Variants in FBXO9 observed in about 807,000 individuals in gnomAD.
The protein encoded by FBXO9 is F-box protein 9, also known as F-box only protein 9.
Under a neutral mutation model 63.7 loss-of-function variants are expected in FBXO9, and 43 were observed. That is an observed-to-expected ratio of 0.67 (90% CI 0.53 to 0.87). The LOEUF is 0.87. Ranked by LOEUF, FBXO9 falls within the 40% of genes least tolerant of loss-of-function variation. FBXO9 has a pLI of 0.00. For missense variants in FBXO9, 442 were observed against 533.2 expected, an observed-to-expected ratio of 0.83 and a Z score of 1.68; for synonymous variants, 156 against 171.7, an observed-to-expected ratio of 0.91 and a Z score of 0.72.
In FBXO9 at chr6:53,078,879, G is replaced by A; in HGVS notation, c.388G>A (p.Asp130Asn). The A allele has an allele frequency of 6.2e-7, 1 of 1,613,612 alleles. No individual in the cohort carries two copies. Among genetic ancestry groups the A allele is most frequent in the South Asian group, 1.1e-5 (1 of 91,078 alleles). Residue 130 changes from aspartate (D) to asparagine (N), a missense_variant, in exon 5 of 13, where the codon GAT (aspartate) becomes AAT (asparagine). By Grantham distance (23) the Asp-to-Asn change is conservative. This residue lies in a region of FBXO9 where 180 missense variants were observed against 171.1 expected (regional missense o/e 1.05). Transcript: ENST00000323557. ...TACTTATACCCGGTCTCCAGATGGT[G>A]ATGGCGTTGGAAACAGCTAGTGCGT... ...KITYTRSPDG[D>N]GVGNSYIEDN... is the part of the protein sequence containing the mutation.
intron 9 of FBXO9, 33 bp from the exon 10 acceptor site, chr6:53,093,433 G>A: frequency 7.1e-7 from 1 of 1,415,918 alleles, no homozygotes; most frequent in Middle Eastern, 1.7e-4. Context: ...TGTGTGGGGG[G>A]TGTGTTTTGG....
chr6:53,091,584 GT>G (rs1225238354), intron 7 of FBXO9: 3 of 152,378 alleles, frequency 2.0e-5, no homozygotes, highest in Admixed American at 6.5e-5. Flanking sequence ...GGCCAGGCTG[GT>G]CTCGACCTCC....
intron 1 of FBXO9, among the ~76,000 whole-genome samples, chr6:53,066,308 C>T (rs1481394717): frequency 1.3e-5 from 2 of 152,098 alleles, no homozygotes; most frequent in Non-Finnish European, 2.9e-5. Flanking sequence ...GGCGTCATTC[C>T]CTGGGAGGAT....
Position 53,065,764 on chromosome 6 carries a change from C to T in FBXO9, c.-26C>T, listed in dbSNP as rs566482740. ...TGCAGAGGGGGCACGGAGAGCCCCT[C>T]GAGCGCAGCAGGCCGCCCCGCCAGC... On this transcript the variant is annotated 5_prime_UTR_variant, in exon 1 of 13. Transcript: ENST00000323557. The T allele has an allele frequency of 7.2e-5, 101 of 1,403,000 alleles. 2 individuals carry two copies. In the South Asian group the frequency reaches 1.4e-3, roughly 20 times the overall value. 86.9% of individuals were successfully genotyped at this position (1,403,000 alleles called of 1,614,324 possible).
intron 1 of FBXO9, 143 bp from the exon 2 acceptor site, chr6:53,070,914 C>G (rs1768893370): frequency 7.2e-7 from 1 of 1,393,330 alleles, no homozygotes; most frequent in Non-Finnish European, 9.6e-7. Flanking sequence ...CAAGTGCCCC[C>G]TACAGCCTTG....
intron 1 of FBXO9, among the ~76,000 whole-genome samples, chr6:53,067,498 A>G (rs1768748796): frequency 6.6e-6 from 1 of 152,170 alleles, no homozygotes. Context: ...ATGAGTAGAA[A>G]TAGCTAAGTG....
intron 5 of FBXO9, among the ~76,000 whole-genome samples, chr6:53,079,878 A>T (rs1280065466): frequency 6.6e-6 from 1 of 152,166 alleles, no homozygotes; most frequent in Non-Finnish European, 1.5e-5. Context: ...CAACAAGGTC[A>T]ATATTAATAG....
rs1276959031 is a variant in FBXO9, at chr6:53,092,840, A to G, written c.863+16A>G. ...AATATTACAGGTACAACTGTAGTAC[A>G]CTGAGTGAGTGGAAAATTCTCTCTC... On this transcript the variant is annotated intron_variant, in intron 9 of 12. Transcript: ENST00000323557. The G allele has an allele frequency of 6.6e-7, 1 of 1,526,540 alleles. No homozygotes were observed. Among genetic ancestry groups the G allele is most frequent in the East Asian group, 2.3e-5 (1 of 44,172 alleles). 94.6% of individuals were successfully genotyped at this position (1,526,540 alleles called of 1,614,324 possible).
chr6:53,092,288 T>C (rs1036872379), intron 7 of FBXO9, 141 bp from the exon 8 acceptor site: 1 of 625,048 alleles, frequency 1.6e-6, no homozygotes, highest in Non-Finnish European at 2.8e-6. Flanking sequence ...GGCCTTTGCC[T>C]TGTCCATTAG....
chr6:53,095,491 T>G, intron 11 of FBXO9, 22 bp from the exon 12 acceptor site: 1 of 1,595,274 alleles, frequency 6.3e-7, no homozygotes, highest in East Asian at 2.2e-5. Flanking sequence ...TCATTATAAC[T>G]TATGCATCTT....
intron 4 of FBXO9, among the ~76,000 whole-genome samples, chr6:53,077,371 G>A (rs1358887389): frequency 6.7e-6 from 1 of 150,350 alleles, no homozygotes; most frequent in Non-Finnish European, 1.5e-5. Flanking sequence ...TACTTGGGAG[G>A]CTGAGGCAGG....
At chr6:53,075,715 G>T (rs1424699374) in intron 3 of FBXO9, among the ~76,000 whole-genome samples, 1 of 138,602 alleles carries the variant, frequency 7.2e-6, no homozygotes, top group African/African-American at 2.7e-5. Flanking sequence ...TTTCTAATTG[G>T]ATTACATATA....
rs1441672303 is a variant in FBXO9 at position 53,100,220 on chromosome 6, C to T, written c.*2390C>T. 3 of 151,910 alleles carry T rather than the reference C, an allele frequency of 2.0e-5. No individual in the cohort carries two copies. The highest frequency in any genetic ancestry group is 2.9e-5 in the Non-Finnish European group (2 of 67,994). The allele number at this position is 151,910 out of a possible 1,614,324, so 9.4% of individuals were successfully genotyped here. A position where few individuals can be genotyped will look rare whatever the true frequency, so the allele number is the denominator to read the frequency against. ...AAAGATAACCAGAAGAAAATTTTTGCTATGTAACCTTTTTCTTCTGGTCTT... is the reference window on the plus strand; with the variant it reads ...AAAGATAACCAGAAGAAAATTTTTGTTATGTAACCTTTTTCTTCTGGTCTT... On this transcript the variant is annotated 3_prime_UTR_variant, in exon 13 of 13. Transcript: ENST00000323557.
intron 7 of FBXO9, chr6:53,090,776 C>T (rs1169503752): frequency 6.6e-6 from 1 of 152,100 alleles, no homozygotes; most frequent in Non-Finnish European, 1.5e-5. Context: ...AAACTCCTGG[C>T]CTCAAGCCAC....
intron 7 of FBXO9, among the ~76,000 whole-genome samples, chr6:53,085,532 C>G (rs1032268482): frequency 6.6e-6 from 1 of 152,040 alleles, no homozygotes; most frequent in Non-Finnish European, 1.5e-5. Context: ...ATGACTGACA[C>G]TGTCACATCA....
chr6:53,071,262 C>T, intron 2 of FBXO9, 119 bp downstream of exon 2: 1 of 933,280 alleles, frequency 1.1e-6, no homozygotes. Context: ...TTAACTGTTT[C>T]CATACTGGTT....
In FBXO9 at chr6:53,099,090, TAAA is replaced by T. The variant is rs764362769; in HGVS notation, c.*1263_*1265del. On this transcript the variant is annotated 3_prime_UTR_variant, in exon 13 of 13. Coordinates refer to ENST00000323557, the MANE Select transcript of FBXO9 (RefSeq NM_033480.3). ...ACAATTCAGTATGGGATAGGCTTTT[TAAA>T]AAGCACATACAGACCAGGCGTGGTG... The T allele has an allele frequency of 6.6e-6, 1 of 151,966 alleles. No individual in the cohort carries two copies. The highest frequency in any genetic ancestry group is 1.5e-5 in the Non-Finnish European group (1 of 67,998). The allele number at this position is 151,966 out of a possible 1,614,324, so 9.4% of individuals were successfully genotyped here.
intron 9 of FBXO9, 51 bp downstream of exon 9, chr6:53,092,875 T>G (rs1763084415): frequency 8.2e-7 from 1 of 1,225,578 alleles, no homozygotes; most frequent in Non-Finnish European, 1.2e-6. Context: ...CTCCATGTAT[T>G]AGTTAAATGG....
Position 53,076,786 on chromosome 6 carries a change from T to A in FBXO9, c.307+243T>A. 5.0e-5 allele frequency among the ~76,000 whole-genome samples: 3 copies of A among 59,796 alleles called. No homozygotes were observed. In the East Asian group the frequency reaches 1.8e-3, roughly 35 times the overall value. 39.2% of individuals were successfully genotyped at this position (59,796 alleles called of 152,430 possible). On this transcript the variant is annotated intron_variant, in intron 4 of 12. Coordinates refer to ENST00000323557, the MANE Select transcript of FBXO9 (RefSeq NM_033480.3). ...CTTATTATGTAAATAGTTATTATAC[T>A]GTATTTTTTTTTTAAATTTGTATTT...
Sources: allele counts gnomAD v4.1 joint callset (sites outside exome capture counted in the v4.1 genomes callset), GRCh38; gene constraint gnomAD v4.1.1; regional missense constraint gnomAD v4.1.1; transcripts MANE v1.5; gene names NCBI Gene and HGNC (gene_info 2026-07-23, HGNC 2026-07-21).